The following FA2H variants were observed in gnomAD, a reference collection of about 807,000 sequenced individuals.
The protein encoded by FA2H is fatty acid 2-hydroxylase.
FA2H carries 22 observed loss-of-function variants against 44.9 expected under a neutral mutation model. That is an observed-to-expected ratio of 0.49 (90% CI 0.35 to 0.70). The LOEUF (loss-of-function observed/expected upper bound fraction) is 0.70. Ranked by LOEUF, FA2H falls within the 30% of genes least tolerant of loss-of-function variation. The probability of loss-of-function intolerance (pLI) is 0.01; values close to 1 mark genes in which losing one functional copy is unlikely to be tolerated. For missense variants in FA2H, 501 were observed against 504.9 expected (o/e 0.99, Z 0.07); for synonymous variants, 243 against 213.2 (o/e 1.14, Z -1.22).
intron 4 of FA2H, among the ~76,000 whole-genome samples, chr16:74,720,884 C>T (rs1961821340): frequency 1.3e-5 from 2 of 152,218 alleles, no homozygotes; most frequent in Admixed American, 1.3e-4. Context: ...GTTCAACATT[C>T]ACCCATGTTG....
intron 2 of FA2H, among the ~76,000 whole-genome samples, chr16:74,728,177 A>G (rs1961996729): frequency 6.6e-6 from 1 of 152,196 alleles, no homozygotes; most frequent in African/African-American, 2.4e-5. Context: ...TAAACCCTGC[A>G]TTTTGGGAGG....
chr16:74,754,952 C>T (rs927902782), intron 1 of FA2H, among the ~76,000 whole-genome samples: 3 of 152,056 alleles, frequency 2.0e-5, no homozygotes, highest in Non-Finnish European at 2.9e-5. Flanking sequence ...TAGAGCCACC[C>T]GTATGGGAAG....
chr16:74,773,528 C>T (rs775482930), intron 1 of FA2H, among the ~76,000 whole-genome samples: 17 of 152,132 alleles, frequency 1.1e-4, no homozygotes, highest in Non-Finnish European at 2.2e-4. Flanking sequence ...TCAAGAGAGT[C>T]GCTTTGCCTC....
intron 1 of FA2H, among the ~76,000 whole-genome samples, chr16:74,758,634 G>A (rs1311454754): frequency 6.6e-6 from 1 of 152,000 alleles, no homozygotes; most frequent in African/African-American, 2.4e-5. Context: ...CGATTAGAAT[G>A]AGAGTTTCTA....
At chr16:74,720,507 T>C (rs1179868389) in intron 4 of FA2H, among the ~76,000 whole-genome samples, 1 of 152,092 alleles carries the variant, frequency 6.6e-6, no homozygotes, top group African/African-American at 2.4e-5. Context: ...ATCCTCATCC[T>C]CTTATCTTTG....
chr16:74,726,138 G>T, intron 4 of FA2H, 87 bp downstream of exon 4: 1 of 874,818 alleles, frequency 1.1e-6, no homozygotes, highest in Non-Finnish European at 1.9e-6. Flanking sequence ...GGGGTTCTGT[G>T]CTCTCAGAAA....
chr16:74,726,460 C>T, intron 3 of FA2H, 129 bp from the exon 4 acceptor site: 1 of 631,916 alleles, frequency 1.6e-6, no homozygotes, highest in Non-Finnish European at 2.9e-6. Context: ...GTGATTTCGG[C>T]TCACTGCAAC....
intron 1 of FA2H, among the ~76,000 whole-genome samples, chr16:74,772,977 G>A (rs962572912): frequency 2.4e-4 from 37 of 151,870 alleles, no homozygotes; most frequent in Admixed American, 2.4e-3. Flanking sequence ...CACCTCTCAG[G>A]TGATCCTCCC....
Position 74,774,533 on chromosome 16 carries a change from G to A in FA2H, c.223C>T (p.Arg75Cys). The A allele has an allele frequency of 6.5e-7, 1 of 1,544,338 alleles. No individual in the cohort carries two copies. The highest frequency in any genetic ancestry group is 1.4e-5 in the African/African-American group (1 of 71,914). The part of the protein sequence containing the change: ...PPHRHSANAR[R>C]WLEQYYVGEL... ...CCCACGTAGTACTGCTCCAGCCAGC[G>A]GCGCGCGTTGGCCGAGTGCCTGTGC... is the stretch of plus-strand genomic sequence containing the variant. The change falls in exon 1 of 7, where the codon CGC (arginine) becomes TGC (cysteine). Residue 75 changes from arginine to cysteine, a missense_variant. By Grantham distance (180) the Arg-to-Cys change is radical. Transcript: ENST00000219368.
At chr16:74,758,117 CTTTT>C (rs71378706) in intron 1 of FA2H, among the ~76,000 whole-genome samples, 47 of 113,548 alleles carry the variant, frequency 4.1e-4, no homozygotes, top group Non-Finnish European at 4.7e-4. Context: ...GGAAACAATT[CTTTT>C]TTTTTTTTTT....
chr16:74,724,983 AC>A (rs1206190063), intron 4 of FA2H, among the ~76,000 whole-genome samples: 1 of 152,104 alleles, frequency 6.6e-6, no homozygotes, highest in Non-Finnish European at 1.5e-5. Flanking sequence ...CGGCCCTGCC[AC>A]TGTTTGTGAT....
At position 74,774,680 on chromosome 16, in the gene FA2H, A is replaced by G; in HGVS notation, c.76T>C (p.Trp26Arg). 7.1e-7 allele frequency: 1 copy of G among 1,399,266 alleles called. No homozygotes were observed. Among genetic ancestry groups the G allele is most frequent in the Non-Finnish European group, 9.2e-7 (1 of 1,081,744 alleles). The allele number at this position is 1,399,266 out of a possible 1,614,324, so 86.7% of individuals were successfully genotyped here. ...VQRRLAAGAC[W>R]VRRGARLYDL... Reference sequence around the variant, plus strand: ...TAGAGGCGGGCCCCGCGGCGGACCCAGCACGCGCCGGCCGCCAGGCGCCGC... The same window carrying G: ...TAGAGGCGGGCCCCGCGGCGGACCCGGCACGCGCCGGCCGCCAGGCGCCGC... Residue 26 changes from tryptophan to arginine, a missense_variant, in exon 1 of 7, where the codon TGG (tryptophan) becomes CGG (arginine). Trp to Arg is a moderately radical substitution (Grantham distance 101, BLOSUM62 -3). Coordinates refer to ENST00000219368, the MANE Select transcript of FA2H (RefSeq NM_024306.5).
At chr16:74,748,108 A>T (rs543726397) in intron 1 of FA2H, among the ~76,000 whole-genome samples, 1 of 152,182 alleles carries the variant, frequency 6.6e-6, no homozygotes, top group Admixed American at 6.5e-5. Context: ...GCATTCAAAT[A>T]GGACAGGCAT....
chr16:74,736,273 T>G (rs556951986), intron 2 of FA2H, among the ~76,000 whole-genome samples: 152 of 152,166 alleles, frequency 1.0e-3, no homozygotes, highest in Admixed American at 2.4e-3. Context: ...GCCCTTTGGA[T>G]GTTGGGCCCT....
intron 4 of FA2H, among the ~76,000 whole-genome samples, chr16:74,723,690 C>A (rs548145462): frequency 6.6e-6 from 1 of 152,236 alleles, no homozygotes; most frequent in East Asian, 1.9e-4. Context: ...CCTGATACCT[C>A]TGGGGTCCAT....
intron 2 of FA2H, among the ~76,000 whole-genome samples, chr16:74,730,461 T>G (rs1962051049): frequency 6.6e-6 from 1 of 152,158 alleles, no homozygotes; most frequent in Admixed American, 6.6e-5. Context: ...CTCCTTGACC[T>G]CAGCCCTTGA....
chr16:74,734,661 G>A (rs1962146151), intron 2 of FA2H, among the ~76,000 whole-genome samples: 1 of 152,222 alleles, frequency 6.6e-6, no homozygotes, highest in South Asian at 2.1e-4. Context: ...CCGGTAGAAG[G>A]GGGCCTTCCC....
At chr16:74,733,073 C>A (rs1282375994) in intron 2 of FA2H, among the ~76,000 whole-genome samples, 3 of 152,182 alleles carry the variant, frequency 2.0e-5, no homozygotes, top group African/African-American at 4.8e-5. Context: ...CTGTCTGGGG[C>A]CGTGGAGGGC....
intron 1 of FA2H, among the ~76,000 whole-genome samples, chr16:74,763,261 T>G (rs78683579): frequency 5.7e-4 from 87 of 152,230 alleles, no homozygotes; most frequent in Non-Finnish European, 1.1e-3. Context: ...TTTGGAATTT[T>G]TTTTTGTTTT....
Sources: allele counts gnomAD v4.1 joint callset (sites outside exome capture counted in the v4.1 genomes callset), GRCh38; gene constraint gnomAD v4.1.1; transcripts MANE v1.5; gene names NCBI Gene and HGNC (gene_info 2026-07-23, HGNC 2026-07-21).